The following MTG2 variants were observed in gnomAD, a reference collection of about 807,000 sequenced individuals.
MTG2 encodes the protein mitochondrial ribosome-associated GTPase 2.
In MTG2, 23 loss-of-function variants were observed where a neutral mutation model predicts 28.6. That is an observed-to-expected ratio of 0.80 (90% confidence interval 0.58 to 1.14). MTG2 has a LOEUF of 1.14. Among genes scored for constraint, MTG2 ranks in the 50% most tolerant of loss-of-function variants. MTG2 has a pLI of 0.00. For missense variants in MTG2, 539 were observed against 552.0 expected (o/e 0.98, Z 0.24); for synonymous variants, 260 against 251.8 (o/e 1.03, Z -0.31).
chr20:62,195,112 C>T (rs2058035858), intron 2 of MTG2, among the ~76,000 whole-genome samples: 1 of 152,134 alleles, frequency 6.6e-6, no homozygotes, highest in Non-Finnish European at 1.5e-5. Context: ...AGGAGAATGG[C>T]ATGAACCTGG....
At chr20:62,193,911 T>G in intron 2 of MTG2, 3 of 365,502 alleles carry the variant, frequency 8.2e-6, no homozygotes, top group Non-Finnish European at 1.5e-5. Flanking sequence ...ATGTTACATA[T>G]ATCCTTTCAT....
intron 6 of MTG2, chr20:62,200,373 T>C (rs1001794268): frequency 2.0e-5 from 6 of 292,898 alleles, no homozygotes; most frequent in African/African-American, 1.1e-4. Flanking sequence ...TTTTCCTCTT[T>C]TTTGAATCCT....
chr20:62,186,610 C>T (rs1480270161), intron 1 of MTG2, among the ~76,000 whole-genome samples: 3 of 148,670 alleles, frequency 2.0e-5, no homozygotes, highest in South Asian at 2.1e-4. Context: ...CTCACGGCAG[C>T]GTCTGCCTCC....
rs771359630 is a variant in MTG2 at position 62,195,810 on chromosome 20, C to T, written c.213C>T (p.Tyr71=). ...KLLSEKKLKR[Y]FVDYRRVLVC... ...ATTTGTGTTCTCTGTAGAAAAGGTA[C>T]TTTGTGGACTATCGGAGAGTGCTTG... Residue 71 remains tyrosine (Y), a synonymous_variant, in exon 3 of 7, where the codon TAC becomes TAT. Transcript: ENST00000370823. 6.2e-7 allele frequency: 1 copy of T among 1,614,136 alleles called. No individual in the cohort carries two copies.
intron 5 of MTG2, 91 bp downstream of exon 5, chr20:62,198,943 G>T: frequency 6.4e-7 from 1 of 1,569,386 alleles, no homozygotes; most frequent in Non-Finnish European, 8.7e-7. Context: ...GCCTGGAAGA[G>T]AACAGCTTTG....
At position 62,198,648 on chromosome 20, in the gene MTG2, G is replaced by A. The variant is rs763681149; in HGVS notation, c.483G>A (p.Thr161=). The A allele has an allele frequency of 1.2e-5, 19 of 1,613,702 alleles. No homozygotes were observed. Among genetic ancestry groups the A allele is most frequent in the South Asian group, 7.7e-5 (7 of 91,072 alleles). ...AVLYIRVPVG[T]LVKEGGRVVA... ...CTGTTCCCCAGGTCCCCGTGGGCAC[G>A]CTGGTGAAGGAGGGAGGCAGAGTTG... is the stretch of plus-strand genomic sequence containing the variant. The change falls in exon 5 of 7, where the codon ACG becomes ACA. Residue 161 remains threonine (T), a synonymous_variant. Transcript: ENST00000370823.
At chr20:62,184,805 A>G (rs1463893000) in intron 1 of MTG2, among the ~76,000 whole-genome samples, 1 of 152,162 alleles carries the variant, frequency 6.6e-6, no homozygotes, top group Admixed American at 6.5e-5. Context: ...ATCGTTAGGA[A>G]TACATTTAAA....
intron 2 of MTG2, 51 bp downstream of exon 2, chr20:62,193,675 C>A: frequency 1.3e-6 from 2 of 1,531,270 alleles, no homozygotes; most frequent in South Asian, 2.4e-5. Context: ...TCAGAAGGCA[C>A]AGGGTGTGGT....
intron 4 of MTG2, 95 bp from the exon 5 acceptor site, chr20:62,198,534 CTCTTG>C: frequency 6.1e-6 from 8 of 1,307,850 alleles, no homozygotes; most frequent in Admixed American, 5.9e-5. Flanking sequence ...GCACAGTCCG[CTCTTG>C]TCTTCTTTCC....
intron 1 of MTG2, among the ~76,000 whole-genome samples, chr20:62,189,381 C>T (rs530409619): frequency 3.9e-5 from 6 of 152,204 alleles, no homozygotes; most frequent in Non-Finnish European, 5.9e-5. Flanking sequence ...ATATTCATAG[C>T]TCATAGCAGC....
At chr20:62,183,913 G>C (rs2057778181) in intron 1 of MTG2, among the ~76,000 whole-genome samples, 1 of 152,158 alleles carries the variant, frequency 6.6e-6, no homozygotes, top group African/African-American at 2.4e-5. Flanking sequence ...CTGTGTAGGC[G>C]AACCTCAGTG....
chr20:62,198,858 T>C lies in MTG2; in HGVS notation c.687+6T>C. The C allele has an allele frequency of 6.2e-7, 1 of 1,613,932 alleles. No individual in the cohort carries two copies. The highest frequency in any genetic ancestry group is 8.5e-7 in the Non-Finnish European group (1 of 1,179,986). On this transcript the variant is annotated splice_donor_region_variant and intron_variant, in intron 5 of 6. Coordinates refer to ENST00000370823, the MANE Select transcript of MTG2 (RefSeq NM_015666.4). The stretch of plus-strand genomic sequence containing the variant: ...CGGTGGCCCACGCCGGAATGGTAGG[T>C]GTCCCCACTGCCAACAGCATCTGCA...
At chr20:62,191,634 G>A (rs1760054) in intron 1 of MTG2, among the ~76,000 whole-genome samples, 3,147 of 152,240 alleles carry the variant, frequency 0.021, 87 homozygotes, top group African/African-American at 0.058. Context: ...GGAGGCAGGC[G>A]GTGTCCCCTC....
At position 62,201,242 on chromosome 20, in the gene MTG2, T is replaced by C. The variant is rs1056901099; in HGVS notation, c.*165T>C. The C allele has an allele frequency of 4.7e-6, 4 of 855,206 alleles. No individual in the cohort carries two copies. Among genetic ancestry groups the C allele is most frequent in the Non-Finnish European group, 7.0e-6 (4 of 572,714 alleles). 53.0% of individuals were successfully genotyped at this position (855,206 alleles called of 1,614,324 possible). On this transcript the variant is annotated 3_prime_UTR_variant, in exon 7 of 7. Coordinates refer to ENST00000370823, the MANE Select transcript of MTG2 (RefSeq NM_015666.4). ...TGAGATGCCCTCATGTTGGGAAGCA[T>C]TCCGTGCCCCCTACCCCGCCTGCCC...
intron 4 of MTG2, 93 bp from the exon 5 acceptor site, chr20:62,198,541 C>A: frequency 7.3e-7 from 1 of 1,369,906 alleles, no homozygotes; most frequent in Non-Finnish European, 1.0e-6. Flanking sequence ...CCGCTCTTGT[C>A]TTCTTTCCTT....
At chr20:62,186,145 C>T (rs2057840673) in intron 1 of MTG2, among the ~76,000 whole-genome samples, 1 of 152,126 alleles carries the variant, frequency 6.6e-6, no homozygotes, top group South Asian at 2.1e-4. Flanking sequence ...TGTTTTTCCC[C>T]AACCTGTTTT....
chr20:62,183,396 A>T (rs1393386198), intron 1 of MTG2, among the ~76,000 whole-genome samples: 4 of 152,190 alleles, frequency 2.6e-5, no homozygotes, highest in African/African-American at 9.6e-5. Context: ...GTGAGTTCCG[A>T]GTCAAGTTGT....
intron 1 of MTG2, among the ~76,000 whole-genome samples, chr20:62,191,070 G>C (rs1299422842): frequency 1.3e-5 from 2 of 152,150 alleles, no homozygotes; most frequent in Non-Finnish European, 2.9e-5. Flanking sequence ...GTTTCTTATA[G>C]GCGGAGAATG....
chr20:62,203,416 A>G lies in MTG2; in HGVS notation c.*2339A>G, dbSNP rs1254537753. 6.6e-6 allele frequency: 1 copy of G among 152,260 alleles called. No individual in the cohort carries two copies. Among genetic ancestry groups the G allele is most frequent in the African/African-American group, 2.4e-5 (1 of 41,474 alleles). The allele number at this position is 152,260 out of a possible 1,614,324, so 9.4% of individuals were successfully genotyped here. On this transcript the variant is annotated 3_prime_UTR_variant, in exon 7 of 7. Transcript: ENST00000370823. ...TTGCCATCGCGTTCTAAAAGCTGAC[A>G]GCTTTCTCTCCAACACTGTTCTCCC...
Sources: gnomAD v4.1 joint callset for allele counts (sites outside exome capture counted in the v4.1 genomes callset) on GRCh38, gnomAD v4.1.1 for gene constraint, MANE v1.5 for transcripts, NCBI Gene and HGNC (gene_info 2026-07-23, HGNC 2026-07-21) for gene names.